Variants in OR10H1 observed in about 807,000 individuals in gnomAD.
OR10H1 encodes olfactory receptor 10H1.
OR10H1 carries 12 observed loss-of-function variants against 13.1 expected under a neutral mutation model. The observed-to-expected ratio is 0.92, with a 90% CI of 0.59 to 1.48. The LOEUF (loss-of-function observed/expected upper bound fraction) is 1.48, where lower values mean the gene tolerates loss of function less well. Ranked by LOEUF, OR10H1 falls within the 40% of genes most tolerant of loss-of-function variation. The pLI is 0.00. For missense variants in OR10H1, 363 were observed against 413.1 expected, an observed-to-expected ratio of 0.88 and a Z score of 1.05; for synonymous variants, 168 against 175.6, an observed-to-expected ratio of 0.96 and a Z score of 0.34.
rs749238217 is a variant in OR10H1, at chr19:15,807,335, G to A, written c.703C>T (p.Arg235Trp). ...GCACAGGTGGAGAAGGCCTTGTTCC[G>A]ACCTTCAGCAGAAGGGATCTTCAAG... ...AILKIPSAEG[R>W]NKAFSTCASH... The change falls in exon 4 of 4, where the codon CGG (arginine) becomes TGG (tryptophan). Residue 235 changes from arginine to tryptophan, a missense_variant. Arg to Trp is a moderately radical substitution (Grantham distance 101). This residue lies in a region of OR10H1 where 318 missense variants were observed against 366.6 expected (regional missense o/e 0.87). Transcript: ENST00000641419. 8.7e-6 allele frequency: 14 copies of A among 1,613,746 alleles called. No individual in the cohort carries two copies. The highest frequency in any genetic ancestry group is 1.3e-5 in the African/African-American group (1 of 74,900).
At chr19:15,814,375 CTT>C (rs2088951455) in intron 1 of OR10H1, among the ~76,000 whole-genome samples, 1 of 151,754 alleles carries the variant, frequency 6.6e-6, no homozygotes, top group Admixed American at 6.6e-5. Flanking sequence ...ACTTCCCTCT[CTT>C]TTCTCTCCAT....
chr19:15,805,166 G>A lies in OR10H1; in HGVS notation c.*1915C>T, dbSNP rs2088888507. ...GATTGCAAAAATTTTCTCCCATTCT[G>A]TAGGTTGCCTGTTCACTCTGATGGT... On this transcript the variant is annotated 3_prime_UTR_variant, in exon 4 of 4. Transcript: ENST00000641419. 1 of 151,946 alleles carries A rather than the reference G, an allele frequency of 6.6e-6. No individual in the cohort carries two copies. The highest frequency in any genetic ancestry group is 2.4e-5 in the African/African-American group (1 of 41,358). The allele number at this position is 151,946 out of a possible 1,614,324, so 9.4% of individuals were successfully genotyped here.
intron 2 of OR10H1, among the ~76,000 whole-genome samples, chr19:15,811,202 C>A (rs990400291): frequency 6.6e-6 from 1 of 152,150 alleles, no homozygotes; most frequent in African/African-American, 2.4e-5. Flanking sequence ...AGAATAGTGG[C>A]CCCCACAGCA....
At position 15,807,037 on chromosome 19, in the gene OR10H1, A is replaced by G. The variant is rs202246188; in HGVS notation, c.*44T>C. On this transcript the variant is annotated 3_prime_UTR_variant, in exon 4 of 4. Transcript: ENST00000641419. ...TCACCACGGAACGTAATTTTTAACA[A>G]TAGCCTTCGGTAATCCAATTTAGTT... is the stretch of plus-strand genomic sequence containing the variant. 3.9e-6 allele frequency: 6 copies of G among 1,552,500 alleles called. No individual in the cohort carries two copies. Among genetic ancestry groups the G allele is most frequent in the African/African-American group, 1.4e-5 (1 of 73,014 alleles).
At position 15,812,731 on chromosome 19, in the gene OR10H1, A is replaced by C. The variant is rs2088941200; in HGVS notation, c.-630T>G. ...TGAGATAGGAAGAAACGAGGGAGGG[A>C]GGAATGGAGGGAGGAAGGAAGGGAG... On this transcript the variant is annotated 5_prime_UTR_variant, in exon 2 of 4. Coordinates refer to ENST00000641419, the MANE Select transcript of OR10H1 (RefSeq NM_013940.4). 7.0e-6 allele frequency: 1 copy of C among 143,276 alleles called. No individual in the cohort carries two copies. The allele number at this position is 143,276 out of a possible 1,614,324, so 8.9% of individuals were successfully genotyped here. A position where few individuals can be genotyped will look rare whatever the true frequency, so the allele number is the denominator to read the frequency against.
chr19:15,807,764 T>C lies in OR10H1; in HGVS notation c.274A>G (p.Ile92Val), dbSNP rs1226955685. ...TGACTGGCACAGGCCAGGAAGGCGA[T>C]GGAGCGCTGGGTGGACAGCAGGTCG... is the stretch of plus-strand genomic sequence containing the variant. ...LADLLSTQRSIAFLACASQMF... is the reference protein window; with the variant it reads ...LADLLSTQRSVAFLACASQMF... The change falls in exon 4 of 4, where the codon ATC becomes GTC. Residue 92 changes from isoleucine to valine, a missense_variant. This residue lies in a region of OR10H1 where 318 missense variants were observed against 366.6 expected (regional missense o/e 0.87). Coordinates refer to ENST00000641419, the MANE Select transcript of OR10H1 (RefSeq NM_013940.4). 6 of 1,609,260 alleles carry C rather than the reference T, an allele frequency of 3.7e-6. No homozygotes were observed. Among genetic ancestry groups the C allele is most frequent in the Non-Finnish European group, 5.1e-6 (6 of 1,176,736 alleles).
At position 15,805,591 on chromosome 19, in the gene OR10H1, G is replaced by C. The variant is rs947204644; in HGVS notation, c.*1490C>G. On this transcript the variant is annotated 3_prime_UTR_variant, in exon 4 of 4. Coordinates refer to ENST00000641419, the MANE Select transcript of OR10H1 (RefSeq NM_013940.4). ...GCCTCCTGAGTAGCTGGGATTACAG[G>C]CACCTGCCACCACGCCTGGCTAATT... is the stretch of plus-strand genomic sequence containing the variant. 2 of 151,990 alleles carry C rather than the reference G, an allele frequency of 1.3e-5. No individual in the cohort carries two copies. Among genetic ancestry groups the C allele is most frequent in the East Asian group, 3.8e-4 (2 of 5,206 alleles). 9.4% of individuals were successfully genotyped at this position (151,990 alleles called of 1,614,324 possible).
rs1182899685 is a variant in OR10H1, at chr19:15,807,652, G to T, written c.386C>A (p.Pro129His). ...GCTCATGAGCACGTTGTAGCGCAGG[G>T]GGTGGCAGATGGCCACGTAGCGGTC... The part of the protein sequence containing the change: ...GYDRYVAICH[P>H]LRYNVLMSPR... Residue 129 changes from proline (P) to histidine (H), a missense_variant, in exon 4 of 4, where the codon CCC (proline) becomes CAC (histidine). This residue lies in a region of OR10H1 where 318 missense variants were observed against 366.6 expected (regional missense o/e 0.87). Coordinates refer to ENST00000641419, the MANE Select transcript of OR10H1 (RefSeq NM_013940.4). 1 of 1,614,002 alleles carries T rather than the reference G, an allele frequency of 6.2e-7. No homozygotes were observed. Among genetic ancestry groups the T allele is most frequent in the Non-Finnish European group, 8.5e-7 (1 of 1,179,996 alleles).
In OR10H1 at chr19:15,806,990, G is replaced by A. The variant is rs554510265; in HGVS notation, c.*91C>T. 1.0e-5 allele frequency: 13 copies of A among 1,251,308 alleles called. No individual in the cohort carries two copies. The South Asian group carries it at 1.7e-4, about 16-fold the overall frequency. The allele number at this position is 1,251,308 out of a possible 1,614,324, so 77.5% of individuals were successfully genotyped here. A position where few individuals can be genotyped will look rare whatever the true frequency, so the allele number is the denominator to read the frequency against. ...GATCCGCCTGCCTCGGCCTCCCAAAGTGCTGGGATTACAGGCATGAGTCAC... is the reference window on the plus strand; with the variant it reads ...GATCCGCCTGCCTCGGCCTCCCAAAATGCTGGGATTACAGGCATGAGTCAC... On this transcript the variant is annotated 3_prime_UTR_variant, in exon 4 of 4. Coordinates refer to ENST00000641419, the MANE Select transcript of OR10H1 (RefSeq NM_013940.4).
intron 1 of OR10H1, among the ~76,000 whole-genome samples, chr19:15,815,340 CAAAA>C (rs10648172): frequency 2.6e-5 from 3 of 115,836 alleles, no homozygotes; most frequent in Non-Finnish European, 5.3e-5. Flanking sequence ...GATTCCGTCT[CAAAA>C]AAAAAAAAAA....
rs1179831141 is a variant in OR10H1, at chr19:15,805,001, T to C, written c.*2080A>G. 2.0e-5 allele frequency: 3 copies of C among 152,368 alleles called. No individual in the cohort carries two copies. The highest frequency in any genetic ancestry group is 1.3e-4 in the Admixed American group (2 of 15,306). 9.4% of individuals were successfully genotyped at this position (152,368 alleles called of 1,614,324 possible). Reference sequence around the variant, plus strand: ...TGACGAGCATTTTTTCATATGTTTTTTGGCTGCATAAATGTCTTCTTTTGA... The same window carrying C: ...TGACGAGCATTTTTTCATATGTTTTCTGGCTGCATAAATGTCTTCTTTTGA... On this transcript the variant is annotated 3_prime_UTR_variant, in exon 4 of 4. Coordinates refer to ENST00000641419, the MANE Select transcript of OR10H1 (RefSeq NM_013940.4).
At chr19:15,810,303 A>AAG in intron 2 of OR10H1, among the ~76,000 whole-genome samples, 1 of 151,128 alleles carries the variant, frequency 6.6e-6, no homozygotes, top group East Asian at 1.9e-4. Context: ...CAAAAAAAAA[A>AAG]AAAAAAAAAG....
Position 15,807,837 on chromosome 19 carries a change from G to A in OR10H1, c.201C>T (p.Ser67=), listed in dbSNP as rs4081570. 4,833 of 1,585,422 alleles carry A rather than the reference G, an allele frequency of 3.0e-3. 152 individuals are homozygous for A. In the African/African-American group the frequency reaches 0.058, roughly 19 times the overall value. ...TPMYLFLCAL[S]VSEILYTVAI... ...CCACGGTGTAGAGGATCTCGGAGACGGAGAGGGCGCACAGGAAGAGGTACA... is the reference window on the plus strand; with the variant it reads ...CCACGGTGTAGAGGATCTCGGAGACAGAGAGGGCGCACAGGAAGAGGTACA... Residue 67 remains serine, a synonymous_variant, in exon 4 of 4, where the codon TCC becomes TCT. Coordinates refer to ENST00000641419, the MANE Select transcript of OR10H1 (RefSeq NM_013940.4).
Position 15,805,244 on chromosome 19 carries a change from A to AT in OR10H1, c.*1836dup, listed in dbSNP as rs907315976. 9.9e-5 allele frequency: 15 copies of AT among 151,900 alleles called. No individual in the cohort carries two copies. The highest frequency in any genetic ancestry group is 3.6e-4 in the African/African-American group (15 of 41,340). 9.4% of individuals were successfully genotyped at this position (151,900 alleles called of 1,614,324 possible). On this transcript the variant is annotated 3_prime_UTR_variant, in exon 4 of 4. Coordinates refer to ENST00000641419, the MANE Select transcript of OR10H1 (RefSeq NM_013940.4). ...TAGTTTAATTAGATCCCATTTGTCA[A>AT]TTTTGGCTTTTGTAATATGGGATGT...
At chr19:15,814,881 T>A (rs141944235) in intron 1 of OR10H1, among the ~76,000 whole-genome samples, 22 of 152,264 alleles carry the variant, frequency 1.4e-4, no homozygotes, top group Admixed American at 3.3e-4. Flanking sequence ...TTTCTCCGCC[T>A]CTTCCCAATC....
chr19:15,807,503 A>C lies in OR10H1; in HGVS notation c.535T>G (p.Cys179Gly). 6.2e-7 allele frequency: 1 copy of C among 1,614,218 alleles called. No individual in the cohort carries two copies. The highest frequency in any genetic ancestry group is 8.5e-7 in the Non-Finnish European group (1 of 1,180,042). ...CGHKEIHHFACHVPPLLKLAC... is the reference protein window; with the variant it reads ...CGHKEIHHFAGHVPPLLKLAC... Reference sequence around the variant, plus strand: ...AACTTCAACAGAGGTGGCACATGGCAAGCAAAATGGTGGATCTCCTTGTGT... The same window carrying C: ...AACTTCAACAGAGGTGGCACATGGCCAGCAAAATGGTGGATCTCCTTGTGT... The change falls in exon 4 of 4, where the codon TGC becomes GGC. Residue 179 changes from cysteine to glycine, a missense_variant. Physicochemically the swap from Cys to Gly is radical, Grantham distance 159 (BLOSUM62 -3). Coordinates refer to ENST00000641419, the MANE Select transcript of OR10H1 (RefSeq NM_013940.4).
Position 15,804,591 on chromosome 19 carries a change from A to G in OR10H1, c.*2490T>C, listed in dbSNP as rs1051383908. 2.0e-5 allele frequency: 3 copies of G among 152,108 alleles called. No homozygotes were observed. Among genetic ancestry groups the G allele is most frequent in the Non-Finnish European group, 2.9e-5 (2 of 68,024 alleles). 9.4% of individuals were successfully genotyped at this position (152,108 alleles called of 1,614,324 possible). On this transcript the variant is annotated 3_prime_UTR_variant, in exon 4 of 4. Coordinates refer to ENST00000641419, the MANE Select transcript of OR10H1 (RefSeq NM_013940.4). ...ATGGCTGCATAGTATTCCATGGTGT[A>G]TATGTGCCACATTTTCTTAATCCAG...
intron 1 of OR10H1, among the ~76,000 whole-genome samples, chr19:15,813,953 T>A (rs1393544368): frequency 6.6e-6 from 1 of 151,896 alleles, no homozygotes; most frequent in East Asian, 1.9e-4. Flanking sequence ...AAGCCCACTG[T>A]CTAGCACTGA....
At position 15,806,976 on chromosome 19, in the gene OR10H1, C is replaced by T. The variant is rs1599310836; in HGVS notation, c.*105G>A. 1.8e-6 allele frequency: 2 copies of T among 1,084,336 alleles called. No individual in the cohort carries two copies. Among genetic ancestry groups the T allele is most frequent in the East Asian group, 4.7e-5 (2 of 42,206 alleles). 67.2% of individuals were successfully genotyped at this position (1,084,336 alleles called of 1,614,324 possible). On this transcript the variant is annotated 3_prime_UTR_variant, in exon 4 of 4. Transcript: ENST00000641419. ...TCCTGACCTCAGGTGATCCGCCTGCCTCGGCCTCCCAAAGTGCTGGGATTA... is the reference window on the plus strand; with the variant it reads ...TCCTGACCTCAGGTGATCCGCCTGCTTCGGCCTCCCAAAGTGCTGGGATTA...
Sources: gnomAD v4.1 joint callset for allele counts (sites outside exome capture counted in the v4.1 genomes callset) on GRCh38, gnomAD v4.1.1 for gene constraint, gnomAD v4.1.1 regional missense constraint, MANE v1.5 for transcripts, NCBI Gene and HGNC (gene_info 2026-07-23, HGNC 2026-07-21) for gene names.